Variants in WWOX observed in about 807,000 individuals in gnomAD.
WWOX encodes the protein WW domain-containing oxidoreductase.
A neutral mutation model predicts 46.2 loss-of-function variants in WWOX; 69 were observed. The observed-to-expected ratio is 1.49, with a 90% CI of 1.23 to 1.82. The LOEUF (loss-of-function observed/expected upper bound fraction) is 1.82. WWOX is among the 40% of genes most tolerant of loss of function. The probability of loss-of-function intolerance (pLI) is 0.00; values close to 1 mark genes in which losing one functional copy is unlikely to be tolerated. For missense variants in WWOX, 919 were observed against 542.6 expected (o/e 1.69, Z -6.89); for synonymous variants, 359 against 202.6 (o/e 1.77, Z -6.56).
At chr16:78,125,611 C>A (rs1481901155) in intron 4 of WWOX, among the ~76,000 whole-genome samples, 2 of 152,122 alleles carry the variant, frequency 1.3e-5, no homozygotes, top group African/African-American at 4.8e-5. Flanking sequence ...CCTGTAAACC[C>A]AGCCCTTTGG....
intron 8 of WWOX, among the ~76,000 whole-genome samples, chr16:78,819,631 C>G (rs2051438686): frequency 6.6e-6 from 1 of 152,214 alleles, no homozygotes; most frequent in Non-Finnish European, 1.5e-5. Flanking sequence ...CTGTTGTACA[C>G]TGTCCCTTCA....
intron 8 of WWOX, among the ~76,000 whole-genome samples, chr16:78,593,482 C>A (rs2045399478): frequency 1.3e-5 from 2 of 152,340 alleles, no homozygotes; most frequent in South Asian, 4.1e-4. Context: ...ACCATTCCTA[C>A]CAGCCAGAGG....
chr16:79,077,910 C>A (rs1567534377), intron 8 of WWOX: 1 of 152,118 alleles, frequency 6.6e-6, no homozygotes, highest in Non-Finnish European at 1.5e-5. Flanking sequence ...ATTGTGGACG[C>A]CTGTGGGGTT....
chr16:78,757,209 T>G (rs1460797980), intron 8 of WWOX, among the ~76,000 whole-genome samples: 2 of 152,182 alleles, frequency 1.3e-5, no homozygotes, highest in Non-Finnish European at 2.9e-5. Flanking sequence ...TTCAGCCCAC[T>G]TAGTTTTGGG....
chr16:78,295,552 A>C (rs910033751), intron 5 of WWOX, among the ~76,000 whole-genome samples: 1 of 152,182 alleles, frequency 6.6e-6, no homozygotes, highest in Non-Finnish European at 1.5e-5. Flanking sequence ...TCTCTACTAA[A>C]ATACAAAAAT....
chr16:78,467,976 G>A (rs1201038905), intron 8 of WWOX, among the ~76,000 whole-genome samples: 1 of 152,036 alleles, frequency 6.6e-6, no homozygotes, highest in East Asian at 1.9e-4. Flanking sequence ...TTGACAAATG[G>A]GCAATCTTGG....
chr16:78,326,588 CCGCA>C (rs2080628328), intron 5 of WWOX, among the ~76,000 whole-genome samples: 1 of 107,220 alleles, frequency 9.3e-6, no homozygotes, highest in African/African-American at 3.9e-5. Context: ...CCCCCCCCCC[CCGCA>C]ATGCCTCAAT....
chr16:78,393,522 T>G (rs1030984985), intron 6 of WWOX, among the ~76,000 whole-genome samples: 1 of 152,144 alleles, frequency 6.6e-6, no homozygotes, highest in African/African-American at 2.4e-5. Context: ...AAAAACGGTT[T>G]GTAGGTCCTT....
chr16:78,613,215 C>G (rs1156832157), intron 8 of WWOX, among the ~76,000 whole-genome samples: 1 of 152,124 alleles, frequency 6.6e-6, no homozygotes, highest in Non-Finnish European at 1.5e-5. Context: ...ACGTCTATGC[C>G]CAGGTCCCAT....
At chr16:78,550,233 C>T (rs939272304) in intron 8 of WWOX, among the ~76,000 whole-genome samples, 1 of 152,152 alleles carries the variant, frequency 6.6e-6, no homozygotes, top group Non-Finnish European at 1.5e-5. Context: ...AAAGCAAACC[C>T]AATTATTTGA....
chr16:79,179,314 T>C (rs1416491281), intron 8 of WWOX, among the ~76,000 whole-genome samples: 1 of 152,188 alleles, frequency 6.6e-6, no homozygotes, highest in Non-Finnish European at 1.5e-5. Context: ...TTTTTATGTT[T>C]CCTCTGAAAC....
At chr16:78,347,602 C>T (rs2081115969) in intron 5 of WWOX, among the ~76,000 whole-genome samples, 1 of 120,656 alleles carries the variant, frequency 8.3e-6, no homozygotes, top group East Asian at 1.9e-4. Flanking sequence ...GATAAATATT[C>T]GTCTAATAAA....
intron 8 of WWOX, among the ~76,000 whole-genome samples, chr16:78,604,488 G>A (rs2045696700): frequency 6.6e-6 from 1 of 152,120 alleles, no homozygotes; most frequent in South Asian, 2.1e-4. Flanking sequence ...AGGTCCGTCT[G>A]TGACAAAACT....
chr16:79,208,408 C>G (rs2051594630), intron 8 of WWOX, among the ~76,000 whole-genome samples: 1 of 152,058 alleles, frequency 6.6e-6, no homozygotes, highest in Admixed American at 6.6e-5. Context: ...TTAGGGGAAC[C>G]CATAGCTCCA....
At chr16:78,997,820 C>T (rs2151357852) in intron 8 of WWOX, among the ~76,000 whole-genome samples, 1 of 152,262 alleles carries the variant, frequency 6.6e-6, no homozygotes, top group South Asian at 2.1e-4. Context: ...CTGCAGATTT[C>T]ACGCTGCCTT....
At chr16:78,233,686 C>A (rs1229501536) in intron 5 of WWOX, among the ~76,000 whole-genome samples, 3 of 152,058 alleles carry the variant, frequency 2.0e-5, no homozygotes, top group African/African-American at 4.8e-5. Context: ...GCCACTACAC[C>A]TGGCTAATTT....
chr16:78,506,533 C>G (rs962600291), intron 8 of WWOX: 3 of 152,144 alleles, frequency 2.0e-5, no homozygotes, highest in African/African-American at 7.2e-5. Flanking sequence ...CTTTCTATAT[C>G]TGTCCCTTTT....
At chr16:78,899,205 G>T (rs529753196) in intron 8 of WWOX, 1 of 152,084 alleles carries the variant, frequency 6.6e-6, no homozygotes, top group Non-Finnish European at 1.5e-5. Context: ...TATGTTTTCT[G>T]TACCTATACT....
chr16:78,144,490 C>CACACATATATATATATATAT lies in WWOX; in HGVS notation c.410-19688_410-19687insTATATATATATATATACACA, dbSNP rs1567596501. On this transcript the variant is annotated intron_variant, in intron 4 of 8. Transcript: ENST00000566780. The stretch of plus-strand genomic sequence containing the variant: ...ACACATATATATATATATATATACA[C>CACACATATATATATATATAT]ACACACACACATATATATATATATA... 3.3e-3 allele frequency among the ~76,000 whole-genome samples: 24 copies of CACACATATATATATATATAT among 7,190 alleles called. 2 individuals carry two copies. The highest frequency in any genetic ancestry group is 5.2e-3 in the Non-Finnish European group (22 of 4,236). The allele number at this position is 7,190 out of a possible 152,430, so 4.7% of individuals were successfully genotyped here. A position where few individuals can be genotyped will look rare whatever the true frequency, so the allele number is the denominator to read the frequency against.
Sources: gnomAD v4.1 joint callset for allele counts (sites outside exome capture counted in the v4.1 genomes callset) on GRCh38, gnomAD v4.1.1 for gene constraint, MANE v1.5 for transcripts, NCBI Gene and HGNC (gene_info 2026-07-23, HGNC 2026-07-21) for gene names.